The following USP32 variants were observed in gnomAD, a reference collection of about 807,000 sequenced individuals.
USP32 encodes the protein ubiquitin specific peptidase 32, also known as ubiquitin carboxyl-terminal hydrolase 32.
Under a neutral mutation model 204.8 loss-of-function variants are expected in USP32, and 59 were observed. The ratio of observed to expected loss-of-function variants is 0.29; its 90% CI spans 0.23 to 0.36. The LOEUF (loss-of-function observed/expected upper bound fraction) is 0.36. Among genes scored for constraint, USP32 ranks in the 10% least tolerant of loss-of-function variants. The pLI is 1.00. For synonymous variants in USP32, 517 were observed against 678.4 expected (o/e 0.76, Z 3.70); for missense variants, 1,160 against 1,946.4 (o/e 0.60, Z 7.60).
intron 23 of USP32, 129 bp downstream of exon 23, chr17:60,208,525 G>A (rs2084887494): frequency 7.6e-7 from 1 of 1,322,896 alleles, no homozygotes; most frequent in Non-Finnish European, 9.7e-7. Context: ...CTAAAATTAG[G>A]TTGCTCAATT....
In USP32 at chr17:60,402,569, T is replaced by G. The variant is rs2089944519; in HGVS notation, c.106+19677A>C. On this transcript the variant is annotated intron_variant, in intron 1 of 3. Coordinates refer to the USP32 transcript ENST00000588898. Reference sequence around the variant, plus strand: ...GGTCCTTATTGATCAGTTATTCTTCTGAAACGCTAAATTAGTAATCAGAAT... The same window carrying G: ...GGTCCTTATTGATCAGTTATTCTTCGGAAACGCTAAATTAGTAATCAGAAT... Among the ~76,000 whole-genome samples, 4 of 152,254 alleles carry G rather than the reference T, an allele frequency of 2.6e-5. No individual in the cohort carries two copies. In the South Asian group the frequency reaches 8.3e-4, roughly 32 times the overall value.
intron 1 of USP32, among the ~76,000 whole-genome samples, chr17:60,398,764 G>A (rs1036662188): frequency 7.2e-5 from 11 of 151,744 alleles, no homozygotes; most frequent in African/African-American, 2.7e-4. Context: ...GATTGATTGA[G>A]GTCAGGAGTT....
At chr17:60,214,176 T>C (rs923665174) in intron 17 of USP32, among the ~76,000 whole-genome samples, 6 of 152,096 alleles carry the variant, frequency 3.9e-5, no homozygotes, top group African/African-American at 1.4e-4. Context: ...TCCTGACCTC[T>C]GGTGCTCCAG....
intron 15 of USP32, 76 bp downstream of exon 15, chr17:60,222,333 G>T: frequency 6.6e-7 from 1 of 1,521,122 alleles, no homozygotes; most frequent in Non-Finnish European, 9.0e-7. Context: ...TGGTTAGTGA[G>T]AGTCACATAG....
At chr17:60,301,806 G>T (rs543460739) in intron 2 of USP32, 102 bp from the exon 3 acceptor site, 87 of 748,758 alleles carry the variant, frequency 1.2e-4, no homozygotes, top group Non-Finnish European at 1.9e-4. Flanking sequence ...CTCCACAACA[G>T]GCCCTGGTAA....
intron 9 of USP32, among the ~76,000 whole-genome samples, chr17:60,261,643 C>CA (rs1041135915): frequency 6.7e-6 from 1 of 149,748 alleles, no homozygotes; most frequent in African/African-American, 2.5e-5. Flanking sequence ...AAGACTATCT[C>CA]AAAAAAACAA....
intron 1 of USP32, among the ~76,000 whole-genome samples, chr17:60,384,333 G>A (rs572571849): frequency 2.0e-5 from 3 of 152,300 alleles, no homozygotes; most frequent in African/African-American, 7.2e-5. Context: ...GGGCAACCAA[G>A]CTTCTTTACA....
intron 11 of USP32, chr17:60,245,628 A>T: frequency 3.4e-6 from 1 of 293,328 alleles, no homozygotes; most frequent in Non-Finnish European, 6.6e-6. Context: ...GGACTTCACA[A>T]GGGGTCTGAG....
intron 2 of USP32, among the ~76,000 whole-genome samples, chr17:60,336,413 T>A (rs933411126): frequency 1.4e-5 from 2 of 143,208 alleles, no homozygotes; most frequent in Non-Finnish European, 3.0e-5. Context: ...TTTTGTCCTG[T>A]CTTACAAAAA....
chr17:60,373,080 T>C (rs998922671), intron 1 of USP32, among the ~76,000 whole-genome samples: 1 of 152,024 alleles, frequency 6.6e-6, no homozygotes, highest in Non-Finnish European at 1.5e-5. Context: ...GGTGGGAGGA[T>C]AGCTAGAGGC....
At chr17:60,338,264 G>A (rs1406603304) in intron 2 of USP32, among the ~76,000 whole-genome samples, 2 of 149,636 alleles carry the variant, frequency 1.3e-5, no homozygotes, top group Non-Finnish European at 3.0e-5. Context: ...ACTGGAGGTC[G>A]CAGTGAGCCA....
chr17:60,323,024 T>C (rs1047090725), intron 2 of USP32, among the ~76,000 whole-genome samples: 1 of 152,076 alleles, frequency 6.6e-6, no homozygotes, highest in East Asian at 1.9e-4. Flanking sequence ...TATAGGGAAA[T>C]TGGAACCCAC....
chr17:60,244,259 C>T (rs987385144), intron 11 of USP32, among the ~76,000 whole-genome samples: 1 of 151,848 alleles, frequency 6.6e-6, no homozygotes, highest in Non-Finnish European at 1.5e-5. Flanking sequence ...ACCTTGCAAT[C>T]CACCCACCTC....
chr17:60,270,823 CAAAAA>C (rs56653936), intron 6 of USP32, among the ~76,000 whole-genome samples: 1 of 63,558 alleles, frequency 1.6e-5, no homozygotes, highest in African/African-American at 5.1e-5. Context: ...AACTCTGCCT[CAAAAA>C]AAAAAAAAAA....
intron 5 of USP32, among the ~76,000 whole-genome samples, chr17:60,285,910 G>T (rs1351198061): frequency 6.6e-6 from 1 of 152,148 alleles, no homozygotes; most frequent in Non-Finnish European, 1.5e-5. Context: ...GCCAAGGCAG[G>T]TGGATCACCT....
Position 60,210,999 on chromosome 17 carries a change from T to G in USP32, c.2424+14A>C, listed in dbSNP as rs780988465. 4.4e-6 allele frequency: 7 copies of G among 1,592,692 alleles called. No homozygotes were observed. The South Asian group carries it at 8.0e-5, about 18-fold the overall frequency. ...TAGGAATTAAATACTTTTATATTATTTTAACCTGCTTACCCGAAGCTTTAA... is the reference window on the plus strand; with the variant it reads ...TAGGAATTAAATACTTTTATATTATGTTAACCTGCTTACCCGAAGCTTTAA... On this transcript the variant is annotated intron_variant, in intron 21 of 33. Transcript: ENST00000300896.
chr17:60,400,116 C>T (rs1441157077), intron 1 of USP32, among the ~76,000 whole-genome samples: 1 of 152,076 alleles, frequency 6.6e-6, no homozygotes, highest in Admixed American at 6.6e-5. Flanking sequence ...AGGCATGCGC[C>T]ACCATGCCTG....
At position 60,226,087 on chromosome 17, in the gene USP32, A is replaced by C; in HGVS notation, c.1384T>G (p.Ser462Ala). 2 of 1,607,056 alleles carry C rather than the reference A, an allele frequency of 1.2e-6. No individual in the cohort carries two copies. The highest frequency in any genetic ancestry group is 1.7e-6 in the Non-Finnish European group (2 of 1,177,662). The change falls in exon 13 of 34, where the codon TCA becomes GCA. Residue 462 changes from serine (S) to alanine (A), a missense_variant. Physicochemically the swap from Ser to Ala is moderately conservative, Grantham distance 99. This residue lies in a region of USP32 where 536 missense variants were observed against 680.9 expected (regional missense o/e 0.79). Transcript: ENST00000300896. Reference protein sequence around the residue: ...SYVNTTEEKFSDNISTASEAS... With the variant: ...SYVNTTEEKFADNISTASEAS... Reference sequence around the variant, plus strand: ...TCAGATGCAGTAGAAATGTTGTCTGAAAATTTCTCTTCTGTAGTATTCACG... The same window carrying C: ...TCAGATGCAGTAGAAATGTTGTCTGCAAATTTCTCTTCTGTAGTATTCACG...
intron 2 of USP32, among the ~76,000 whole-genome samples, chr17:60,341,176 T>G (rs898099263): frequency 6.6e-6 from 1 of 152,192 alleles, no homozygotes; most frequent in Non-Finnish European, 1.5e-5. Context: ...AGGAGTATCT[T>G]TGTGGTGTTC....
Sources: gnomAD v4.1 joint callset for allele counts (sites outside exome capture counted in the v4.1 genomes callset) on GRCh38, gnomAD v4.1.1 for gene constraint, gnomAD v4.1.1 regional missense constraint, MANE v1.5 for transcripts, NCBI Gene and HGNC (gene_info 2026-07-23, HGNC 2026-07-21) for gene names.